Variants in COL23A1 observed in about 807,000 individuals in gnomAD.
COL23A1 encodes collagen type XXIII alpha 1 chain.
Under a neutral mutation model 99.3 loss-of-function variants are expected in COL23A1, and 97 were observed. The observed-to-expected ratio is 0.98, with a 90% CI of 0.83 to 1.16. The LOEUF is 1.16. COL23A1 is among the 50% of genes most tolerant of loss of function. The pLI is 0.00. For missense variants in COL23A1, 762 were observed against 757.4 expected (o/e 1.01, Z -0.07); for synonymous variants, 320 against 308.2 (o/e 1.04, Z -0.40).
At chr5:178,424,279 T>C (rs1765786463) in intron 2 of COL23A1, among the ~76,000 whole-genome samples, 1 of 152,244 alleles carries the variant, frequency 6.6e-6, no homozygotes. Flanking sequence ...GCCTACAGGC[T>C]ATGGAGGTGC....
chr5:178,510,268 A>G (rs2672817), intron 2 of COL23A1, among the ~76,000 whole-genome samples: 114,982 of 152,258 alleles, frequency 0.76, 43,560 homozygotes, highest in East Asian at 0.95. Flanking sequence ...GCGCCTGGGC[A>G]TGGTGGCTCA....
chr5:178,238,339 G>C lies in COL23A1; in HGVS notation c.*359C>G. The C allele has an allele frequency of 4.2e-6, 1 of 238,954 alleles. No homozygotes were observed. The highest frequency in any genetic ancestry group is 7.0e-5 in the South Asian group (1 of 14,360). The allele number at this position is 238,954 out of a possible 1,614,324, so 14.8% of individuals were successfully genotyped here. On this transcript the variant is annotated 3_prime_UTR_variant, in exon 29 of 29. Transcript: ENST00000390654. ...GTCCCAGGGACTCCAGAGTTTTGCG[G>C]GGGCAGGTTCTTACAGGGCAGTACC... is the stretch of plus-strand genomic sequence containing the variant.
chr5:178,425,092 G>A (rs1765839580), intron 2 of COL23A1, among the ~76,000 whole-genome samples: 1 of 152,182 alleles, frequency 6.6e-6, no homozygotes, highest in Non-Finnish European at 1.5e-5. Context: ...GGCCAGCGGA[G>A]AAAAACGCAA....
At chr5:178,318,414 A>C (rs2973697) in intron 2 of COL23A1, among the ~76,000 whole-genome samples, 123,484 of 152,244 alleles carry the variant, frequency 0.81, 50,426 homozygotes, top group Admixed American at 0.87. Flanking sequence ...CCCTCCCCAG[A>C]CCCTTCGGCC....
At chr5:178,478,237 C>T (rs1757136096) in intron 2 of COL23A1, among the ~76,000 whole-genome samples, 1 of 152,136 alleles carries the variant, frequency 6.6e-6, no homozygotes, top group Admixed American at 6.5e-5. Context: ...CCATCTTCAC[C>T]AGGGCTTGGC....
In COL23A1 at chr5:178,263,218, TG is replaced by T. The variant is rs780688348; in HGVS notation, c.628del (p.Gln210LysfsTer99). On this transcript the variant is annotated frameshift_variant, in exon 9 of 29. Coordinates refer to ENST00000390654, the MANE Select transcript of COL23A1 (RefSeq NM_173465.4). LOFTEE classifies it high-confidence loss of function. ...CATGCCCTCTCTTACCGCTGGGCCT[TG>T]TGCTCCCCTGGGGCCATCTTTCCCA... ...DTGKDGPRGA[Q>X]GPAGPKGEPG... 1 of 1,613,432 alleles carries T rather than the reference TG, an allele frequency of 6.2e-7. No individual in the cohort carries two copies. The highest frequency in any genetic ancestry group is 2.2e-5 in the East Asian group (1 of 44,862).
chr5:178,296,356 C>T (rs540391917), intron 3 of COL23A1, among the ~76,000 whole-genome samples: 11 of 152,266 alleles, frequency 7.2e-5, no homozygotes, highest in Non-Finnish European at 1.0e-4. Flanking sequence ...TTCATGTAAC[C>T]CCTGCTGCAA....
intron 2 of COL23A1, among the ~76,000 whole-genome samples, chr5:178,363,906 G>A (rs1213139699): frequency 2.6e-5 from 4 of 152,192 alleles, no homozygotes; most frequent in African/African-American, 7.2e-5. Context: ...GTAGGTTCAC[G>A]TAATGGGATT....
At chr5:178,358,581 G>A (rs556962772) in intron 2 of COL23A1, among the ~76,000 whole-genome samples, 1 of 149,160 alleles carries the variant, frequency 6.7e-6, no homozygotes, top group Admixed American at 6.7e-5. Flanking sequence ...ATGTGTATGT[G>A]TATGTGTGTG....
chr5:178,453,828 C>T (rs7722916), intron 2 of COL23A1, among the ~76,000 whole-genome samples: 13,767 of 152,154 alleles, frequency 0.09, 2,027 homozygotes, highest in African/African-American at 0.31. Context: ...CTTCTCACCA[C>T]GATTCCATAC....
intron 2 of COL23A1, among the ~76,000 whole-genome samples, chr5:178,417,616 C>G (rs1020554086): frequency 6.6e-6 from 1 of 152,158 alleles, no homozygotes; most frequent in African/African-American, 2.4e-5. Flanking sequence ...AAATCCAACC[C>G]TCAACGATAA....
chr5:178,330,781 C>G, intron 2 of COL23A1, among the ~76,000 whole-genome samples: 1 of 152,220 alleles, frequency 6.6e-6, no homozygotes, highest in East Asian at 1.9e-4. Flanking sequence ...GACCTCCTCT[C>G]TGCTCTTTCA....
intron 2 of COL23A1, among the ~76,000 whole-genome samples, chr5:178,550,647 C>T (rs767320733): frequency 2.0e-5 from 3 of 152,064 alleles, no homozygotes; most frequent in Non-Finnish European, 4.4e-5. Context: ...GAATATACCC[C>T]GGCATAAGAA....
chr5:178,519,109 G>A (rs1400631963), intron 2 of COL23A1, among the ~76,000 whole-genome samples: 4 of 152,078 alleles, frequency 2.6e-5, no homozygotes, highest in African/African-American at 7.2e-5. Context: ...ACCCCAGCCC[G>A]CGGCGCCTTC....
At chr5:178,588,222 A>T (rs2113770605) in intron 1 of COL23A1, among the ~76,000 whole-genome samples, 1 of 152,270 alleles carries the variant, frequency 6.6e-6, no homozygotes, top group East Asian at 1.9e-4. Flanking sequence ...GGAGGGGGGA[A>T]GCCTGGGAGA....
intron 2 of COL23A1, among the ~76,000 whole-genome samples, chr5:178,349,004 T>C (rs1470596948): frequency 1.3e-5 from 2 of 151,624 alleles, no homozygotes; most frequent in Non-Finnish European, 2.9e-5. Context: ...GCAAAGGTGC[T>C]CTGCTCAACT....
At chr5:178,437,465 C>A (rs963642485) in intron 2 of COL23A1, among the ~76,000 whole-genome samples, 17 of 152,318 alleles carry the variant, frequency 1.1e-4, no homozygotes, top group African/African-American at 4.1e-4. Context: ...CCAAGCCCAG[C>A]AGGAGCCTCC....
At chr5:178,586,294 G>A (rs1581690330) in intron 1 of COL23A1, among the ~76,000 whole-genome samples, 1 of 152,268 alleles carries the variant, frequency 6.6e-6, no homozygotes, top group Non-Finnish European at 1.5e-5. Flanking sequence ...TGCATACATG[G>A]GAGCTGTGAC....
intron 5 of COL23A1, among the ~76,000 whole-genome samples, chr5:178,272,583 C>T (rs1286993037): frequency 6.6e-6 from 1 of 152,134 alleles, no homozygotes; most frequent in Middle Eastern, 3.2e-3. Flanking sequence ...AGGGCCTCAG[C>T]CTCCATCACA....
Sources: allele counts gnomAD v4.1 joint callset (sites outside exome capture counted in the v4.1 genomes callset), GRCh38; gene constraint gnomAD v4.1.1; transcripts MANE v1.5; gene names NCBI Gene and HGNC (gene_info 2026-07-23, HGNC 2026-07-21).